NPHP1: variants seen among roughly 807,000 people sequenced by gnomAD.
NPHP1 encodes nephrocystin-1.
A neutral mutation model predicts 90.4 loss-of-function variants in NPHP1; 70 were observed. That is an observed-to-expected ratio of 0.77 (90% confidence interval 0.64 to 0.95). The LOEUF (loss-of-function observed/expected upper bound fraction) is 0.95. Among genes scored for constraint, NPHP1 ranks in the 40% least tolerant of loss-of-function variants. NPHP1 has a pLI of 0.00. For missense variants in NPHP1, 764 were observed against 795.9 expected, an observed-to-expected ratio of 0.96 and a Z score of 0.48; for synonymous variants, 256 against 271.7, an observed-to-expected ratio of 0.94 and a Z score of 0.57.
At chr2:110,183,571 C>G (rs993836011) in intron 2 of NPHP1, among the ~76,000 whole-genome samples, 1 of 152,110 alleles carries the variant, frequency 6.6e-6, no homozygotes, top group Non-Finnish European at 1.5e-5. Flanking sequence ...CACTATATTT[C>G]TGTGTGTGTG....
intron 2 of NPHP1, among the ~76,000 whole-genome samples, chr2:110,198,019 C>T (rs1196955527): frequency 6.6e-6 from 1 of 152,006 alleles, no homozygotes; most frequent in African/African-American, 2.4e-5. Context: ...TTCACTGGCT[C>T]CTGAAACCCC....
chr2:110,192,698 A>G (rs375847336), intron 2 of NPHP1, among the ~76,000 whole-genome samples: 1 of 152,142 alleles, frequency 6.6e-6, no homozygotes, highest in African/African-American at 2.4e-5. Flanking sequence ...TCCAAGACAC[A>G]TAATTGTCAG....
At chr2:110,140,550 G>A (rs1680545825) in intron 16 of NPHP1, among the ~76,000 whole-genome samples, 1 of 152,048 alleles carries the variant, frequency 6.6e-6, no homozygotes, top group East Asian at 1.9e-4. Context: ...GTATTTGGGG[G>A]CCAAAGAAAC....
At chr2:110,176,165 C>T (rs1361484246) in intron 4 of NPHP1, among the ~76,000 whole-genome samples, 2 of 152,088 alleles carry the variant, frequency 1.3e-5, no homozygotes, top group Non-Finnish European at 2.9e-5. Context: ...CTAATTCTCA[C>T]ATCTCCGAGC....
Position 110,129,260 on chromosome 2 carries a change from C to G in NPHP1, c.1643-1G>C, listed in dbSNP as rs774810198. ...GCCAGCATGGGATGGCTAATTAAAT[C>G]TGAAATGCAAAACAACAGAAAGAAT... is the stretch of plus-strand genomic sequence containing the variant. On this transcript the variant is annotated splice_acceptor_variant, in intron 17 of 19. Coordinates refer to ENST00000445609, the MANE Select transcript of NPHP1 (RefSeq NM_001128178.3). LOFTEE classifies it high-confidence loss of function. The G allele has an allele frequency of 2.5e-6, 4 of 1,611,678 alleles. No homozygotes were observed. Among genetic ancestry groups the G allele is most frequent in the Non-Finnish European group, 1.7e-6 (2 of 1,178,004 alleles).
In NPHP1 at chr2:110,148,443, C is replaced by T. The variant is rs547775010; in HGVS notation, c.1159-417G>A. On this transcript the variant is annotated intron_variant, in intron 12 of 19. Transcript: ENST00000445609. Reference sequence around the variant, plus strand: ...CCTCTTTTCTTTATAAATTAACCAGCCTCATGCATTTCTTTATAGCAATGC... The same window carrying T: ...CCTCTTTTCTTTATAAATTAACCAGTCTCATGCATTTCTTTATAGCAATGC... 2.0e-5 allele frequency among the ~76,000 whole-genome samples: 3 copies of T among 152,218 alleles called. No homozygotes were observed. In the South Asian group the frequency reaches 6.2e-4, roughly 32 times the overall value.
chr2:110,185,234 G>T (rs956641519), intron 2 of NPHP1: 1 of 508,922 alleles, frequency 2.0e-6, no homozygotes, highest in Admixed American at 2.0e-5. Flanking sequence ...TTTAAAACTC[G>T]CTTTGTTGAG....
intron 2 of NPHP1, among the ~76,000 whole-genome samples, chr2:110,198,485 T>A (rs547921180): frequency 6.6e-6 from 1 of 152,262 alleles, no homozygotes; most frequent in African/African-American, 2.4e-5. Context: ...ACGTTTAGAT[T>A]TAGTTGGGGT....
At chr2:110,183,721 C>G (rs1201835249) in intron 2 of NPHP1, among the ~76,000 whole-genome samples, 1 of 151,960 alleles carries the variant, frequency 6.6e-6, no homozygotes, top group African/African-American at 2.4e-5. Context: ...CTTTAATACC[C>G]CACTGACAAT....
chr2:110,124,552 G>T, intron 19 of NPHP1: 2 of 224,800 alleles, frequency 8.9e-6, no homozygotes, highest in Admixed American at 5.1e-5. Context: ...AGGTCGAGGG[G>T]TCCTTTGGTG....
At chr2:110,133,619 CCATAT>C (rs1250295102) in intron 16 of NPHP1, among the ~76,000 whole-genome samples, 1 of 151,954 alleles carries the variant, frequency 6.6e-6, no homozygotes, top group African/African-American at 2.4e-5. Context: ...CCAGGAAAGA[CCATAT>C]GTTGAGTCAC....
In NPHP1 at chr2:110,204,986, T is replaced by G. The variant is rs780429142; in HGVS notation, c.-18A>C. On this transcript the variant is annotated 5_prime_UTR_variant, in exon 1 of 20. Coordinates refer to ENST00000445609, the MANE Select transcript of NPHP1 (RefSeq NM_001128178.3). The stretch of plus-strand genomic sequence containing the variant: ...GCCAGCATCTCCCTGGCTGCGGTGC[T>G]CTGATTGCTCCAGTTGCCAGGGAAA... 3 of 1,613,574 alleles carry G rather than the reference T, an allele frequency of 1.9e-6. No individual in the cohort carries two copies. The highest frequency in any genetic ancestry group is 1.7e-4 in the Middle Eastern group (1 of 6,036).
At chr2:110,125,224 T>C (rs1256711894) in intron 19 of NPHP1, 2 of 1,535,354 alleles carry the variant, frequency 1.3e-6, no homozygotes, top group East Asian at 4.9e-5. Context: ...ATTACCATGA[T>C]TTTATAGCAA....
chr2:110,143,401 C>A, intron 16 of NPHP1, 141 bp downstream of exon 16: 2 of 686,758 alleles, frequency 2.9e-6, no homozygotes, highest in Admixed American at 2.2e-5. Flanking sequence ...CATTTCCCTA[C>A]TGACCTTTGG....
intron 1 of NPHP1, chr2:110,202,373 C>T (rs1685628087): frequency 2.3e-6 from 1 of 443,610 alleles, no homozygotes; most frequent in Non-Finnish European, 4.6e-6. Flanking sequence ...ATTCACACAC[C>T]TAGTGATAGA....
At chr2:110,125,343 A>C (rs961754918) in intron 19 of NPHP1, 2 of 1,514,040 alleles carry the variant, frequency 1.3e-6, no homozygotes, top group East Asian at 4.9e-5. Flanking sequence ...TTTTTTAAAA[A>C]TAAAAGAAAT....
chr2:110,185,014 G>A (rs766867577), intron 2 of NPHP1: 1 of 610,740 alleles, frequency 1.6e-6, no homozygotes. Context: ...TTGGTGACAG[G>A]CTACTGAGTG....
At chr2:110,183,589 T>A (rs1171893372) in intron 2 of NPHP1, among the ~76,000 whole-genome samples, 2 of 152,112 alleles carry the variant, frequency 1.3e-5, no homozygotes, top group African/African-American at 4.8e-5. Context: ...GTGTCTTTAA[T>A]TCCTCTAGCG....
chr2:110,178,600 T>C, intron 3 of NPHP1, 53 bp from the exon 4 acceptor site: 1 of 1,562,926 alleles, frequency 6.4e-7, no homozygotes, highest in East Asian at 2.3e-5. Flanking sequence ...AGTTTCCTAA[T>C]TTCAAAAGAA....
Sources: gnomAD v4.1 joint callset for allele counts (sites outside exome capture counted in the v4.1 genomes callset) on GRCh38, gnomAD v4.1.1 for gene constraint, MANE v1.5 for transcripts, NCBI Gene and HGNC (gene_info 2026-07-23, HGNC 2026-07-21) for gene names.